The following TEF variants were observed in gnomAD, a reference collection of about 807,000 sequenced individuals.
The protein encoded by TEF is thyrotroph embryonic factor.
Under a neutral mutation model 20.8 loss-of-function variants are expected in TEF, and 3 were observed. That is an observed-to-expected ratio of 0.14 (90% confidence interval 0.07 to 0.37). The LOEUF (loss-of-function observed/expected upper bound fraction) is 0.37. TEF is among the 10% of genes least tolerant of loss of function. The pLI, the probability that TEF is intolerant of heterozygous loss-of-function variation, is 1.00. For missense variants in TEF, 296 were observed against 397.9 expected (o/e 0.74, Z 2.18); for synonymous variants, 180 against 171.1 (o/e 1.05, Z -0.41).
At chr22:41,383,015 G>C (rs775129530) in intron 1 of TEF, 8 of 471,078 alleles carry the variant, frequency 1.7e-5, no homozygotes, top group Admixed American at 1.6e-4. Context: ...CGCCCTGGGA[G>C]ATGGGGTGCA....
upstream of TEF, among the ~76,000 whole-genome samples, chr22:41,379,828 G>A (rs1472364804): frequency 2.0e-5 from 3 of 150,776 alleles, no homozygotes; most frequent in Non-Finnish European, 4.4e-5. Context: ...GGGAGGCGGA[G>A]GTTGCGGTGA....
At chr22:41,382,881 G>T (rs1601818921) in intron 1 of TEF, 2 of 470,976 alleles carry the variant, frequency 4.2e-6, no homozygotes, top group East Asian at 1.4e-4. Flanking sequence ...GAGGCCCTTC[G>T]CCTGGTTGGT....
At chr22:41,374,818 AGAG>A (rs774054983) in intron 1 of TEF, among the ~76,000 whole-genome samples, 1 of 152,156 alleles carries the variant, frequency 6.6e-6, no homozygotes, top group Non-Finnish European at 1.5e-5. Flanking sequence ...AGGCTGAGGA[AGAG>A]GAGGAGGTGG....
At chr22:41,373,060 T>G (rs898171753) in intron 1 of TEF, among the ~76,000 whole-genome samples, 1 of 152,110 alleles carries the variant, frequency 6.6e-6, no homozygotes, top group Non-Finnish European at 1.5e-5. Context: ...CGCTCTCATC[T>G]CCCTGTCTGT....
chr22:41,397,002 C>G lies in TEF; in HGVS notation c.*1042C>G, dbSNP rs560033046. 7.5e-6 allele frequency: 3 copies of G among 398,744 alleles called. No individual in the cohort carries two copies. In the South Asian group the frequency reaches 3.8e-4, roughly 51 times the overall value. 24.7% of individuals were successfully genotyped at this position (398,744 alleles called of 1,614,324 possible). A position where few individuals can be genotyped will look rare whatever the true frequency, so the allele number is the denominator to read the frequency against. On this transcript the variant is annotated 3_prime_UTR_variant, in exon 4 of 4. Transcript: ENST00000266304. ...CTCCCTTTTTTCTTGCTCTGCTCAC[C>G]GGTGTGGCCTGGGCTGGAGTGCACT... is the stretch of plus-strand genomic sequence containing the variant.
intron 1 of TEF, among the ~76,000 whole-genome samples, chr22:41,373,004 G>A (rs903642998): frequency 2.6e-5 from 4 of 152,146 alleles, no homozygotes; most frequent in Non-Finnish European, 5.9e-5. Flanking sequence ...GGAGAGACCC[G>A]AAGGGCGAGC....
chr22:41,389,853 A>C (rs1412806674), intron 2 of TEF, among the ~76,000 whole-genome samples: 1 of 152,046 alleles, frequency 6.6e-6, no homozygotes, highest in Non-Finnish European at 1.5e-5. Context: ...GTTGAAGGAC[A>C]TTCTGATTTT....
Position 41,387,634 on chromosome 22 carries a change from C to A in TEF, c.441C>A (p.Ala147=). 6.2e-7 allele frequency: 1 copy of A among 1,614,116 alleles called. No homozygotes were observed. Among genetic ancestry groups the A allele is most frequent in the South Asian group, 1.1e-5 (1 of 91,078 alleles). ...CATCCCCACCATCCTCCTCCACTGCCATCTTTCAGCCCTCTGAAACCGTGT... is the reference window on the plus strand; with the variant it reads ...CATCCCCACCATCCTCCTCCACTGCAATCTTTCAGCCCTCTGAAACCGTGT... ...STASPPSSST[A]IFQPSETVSS... Residue 147 remains alanine (A), a synonymous_variant, in exon 2 of 4, where the codon GCC becomes GCA. Transcript: ENST00000266304.
At position 41,396,623 on chromosome 22, in the gene TEF, G is replaced by A; in HGVS notation, c.*663G>A. ...GCTCCCGCACCCCTTTTCCCTTATGGCTCTGAGGCCATCGGCTGTCTCTGC... is the reference window on the plus strand; with the variant it reads ...GCTCCCGCACCCCTTTTCCCTTATGACTCTGAGGCCATCGGCTGTCTCTGC... On this transcript the variant is annotated 3_prime_UTR_variant, in exon 4 of 4. Transcript: ENST00000266304. 1 of 253,538 alleles carries A rather than the reference G, an allele frequency of 3.9e-6. No homozygotes were observed. Among genetic ancestry groups the A allele is most frequent in the East Asian group, 7.1e-5 (1 of 14,096 alleles). The allele number at this position is 253,538 out of a possible 1,614,324, so 15.7% of individuals were successfully genotyped here.
intron 1 of TEF, among the ~76,000 whole-genome samples, chr22:41,370,282 T>G (rs1454668182): frequency 6.6e-6 from 1 of 151,102 alleles, no homozygotes; most frequent in Non-Finnish European, 1.5e-5. Flanking sequence ...GCCAGGCTAA[T>G]TTTTGTATTT....
At chr22:41,388,821 C>T (rs1569256945) in intron 2 of TEF, among the ~76,000 whole-genome samples, 1 of 152,126 alleles carries the variant, frequency 6.6e-6, no homozygotes, top group African/African-American at 2.4e-5. Context: ...CAGGAATCCA[C>T]ACCCAATAAG....
At chr22:41,379,911 A>G (rs570701346), upstream of TEF, among the ~76,000 whole-genome samples, 5 of 126,098 alleles carry the variant, frequency 4.0e-5, no homozygotes, top group South Asian at 5.2e-4. Flanking sequence ...AAAAAAAGAA[A>G]AAAAGAAAAG....
chr22:41,378,738 C>G (rs1417388492), upstream of TEF, among the ~76,000 whole-genome samples: 2 of 152,016 alleles, frequency 1.3e-5, no homozygotes, highest in Non-Finnish European at 2.9e-5. Context: ...TCCCAAAGTG[C>G]TGGGATTACA....
At chr22:41,377,001 G>T (rs1202081374), upstream of TEF, among the ~76,000 whole-genome samples, 1 of 152,138 alleles carries the variant, frequency 6.6e-6, no homozygotes, top group Non-Finnish European at 1.5e-5. Context: ...CTTGTTTCTT[G>T]TTTTTGGTTT....
intron 2 of TEF, among the ~76,000 whole-genome samples, chr22:41,388,799 G>A (rs9607801): frequency 0.022 from 3,324 of 151,826 alleles, 53 homozygotes; most frequent in Non-Finnish European, 0.03. Context: ...CCTGCCAGTC[G>A]GTATGTCACC....
rs1049769378 is a variant in TEF, at chr22:41,397,670, C to T, written c.*1710C>T. The T allele has an allele frequency of 6.6e-6, 1 of 152,316 alleles. No individual in the cohort carries two copies. Among genetic ancestry groups the T allele is most frequent in the South Asian group, 2.1e-4 (1 of 4,834 alleles). The allele number at this position is 152,316 out of a possible 1,614,324, so 9.4% of individuals were successfully genotyped here. A position where few individuals can be genotyped will look rare whatever the true frequency, so the allele number is the denominator to read the frequency against. On this transcript the variant is annotated 3_prime_UTR_variant, in exon 4 of 4. Transcript: ENST00000266304. ...AAGGGAGGTCACTCCTCCCTCCAGG[C>T]CCCTGACTTTTACTTTGTGGTTCTC... is the stretch of plus-strand genomic sequence containing the variant.
upstream of TEF, among the ~76,000 whole-genome samples, chr22:41,377,486 T>C (rs1284777290): frequency 6.6e-6 from 1 of 152,194 alleles, no homozygotes; most frequent in Non-Finnish European, 1.5e-5. Flanking sequence ...GCTCACAAAC[T>C]ATGGAAATTA....
chr22:41,387,074 A>G (rs2037106559), intron 1 of TEF, among the ~76,000 whole-genome samples: 1 of 152,090 alleles, frequency 6.6e-6, no homozygotes, highest in Non-Finnish European at 1.5e-5. Context: ...AAATTAAATA[A>G]TGAATTAACC....
At chr22:41,379,234 A>G (rs1016335035), upstream of TEF, among the ~76,000 whole-genome samples, 1 of 152,174 alleles carries the variant, frequency 6.6e-6, no homozygotes, top group Admixed American at 6.5e-5. Flanking sequence ...GCTACTCCGG[A>G]GGCTGAGGCA....
Sources: allele counts gnomAD v4.1 joint callset (sites outside exome capture counted in the v4.1 genomes callset), GRCh38; gene constraint gnomAD v4.1.1; transcripts MANE v1.5; gene names NCBI Gene and HGNC (gene_info 2026-07-23, HGNC 2026-07-21).